IMMP2L: variants seen among roughly 807,000 people sequenced by gnomAD.
The protein encoded by IMMP2L is inner mitochondrial membrane peptidase subunit 2, also known as mitochondrial inner membrane protease subunit 2.
In IMMP2L, 18 loss-of-function variants were observed where a neutral mutation model predicts 19.3. The ratio of observed to expected loss-of-function variants is 0.93; its 90% CI spans 0.64 to 1.38. The LOEUF (loss-of-function observed/expected upper bound fraction) is 1.38, where lower values mean the gene tolerates loss of function less well. Ranked by LOEUF, IMMP2L falls within the 40% of genes most tolerant of loss-of-function variation. The pLI is 0.00. For synonymous variants in IMMP2L, 76 were observed against 73.0 expected (o/e 1.04, Z -0.21); for missense variants, 233 against 218.2 (o/e 1.07, Z -0.43).
intron 3 of IMMP2L, among the ~76,000 whole-genome samples, chr7:111,141,562 A>G (rs1181867544): frequency 6.6e-6 from 1 of 151,994 alleles, no homozygotes; most frequent in Non-Finnish European, 1.5e-5. Flanking sequence ...CTATAGAATT[A>G]TAAATCTGCA....
At chr7:111,075,924 T>C (rs1373653486) in intron 3 of IMMP2L, among the ~76,000 whole-genome samples, 1 of 152,224 alleles carries the variant, frequency 6.6e-6, no homozygotes, top group Non-Finnish European at 1.5e-5. Context: ...TTTACTTTTG[T>C]TTACAGCCAA....
chr7:111,333,588 C>T (rs192472675), intron 3 of IMMP2L, among the ~76,000 whole-genome samples: 24 of 152,116 alleles, frequency 1.6e-4, no homozygotes, highest in African/African-American at 5.5e-4. Context: ...CTAGGTGTGT[C>T]TGTGAGGGTG....
chr7:110,955,118 T>C (rs1230413210), intron 4 of IMMP2L, among the ~76,000 whole-genome samples: 2 of 152,036 alleles, frequency 1.3e-5, no homozygotes, highest in African/African-American at 4.8e-5. Flanking sequence ...AGAGACTATA[T>C]ATGAACTTAA....
intron 3 of IMMP2L, among the ~76,000 whole-genome samples, chr7:111,331,476 C>CT (rs930661569): frequency 2.0e-5 from 3 of 151,638 alleles, no homozygotes; most frequent in Non-Finnish European, 2.9e-5. Context: ...GAGAAATATG[C>CT]TTTTTTTAGT....
chr7:111,204,181 G>C (rs912182691), intron 3 of IMMP2L, among the ~76,000 whole-genome samples: 1 of 152,142 alleles, frequency 6.6e-6, no homozygotes, highest in Non-Finnish European at 1.5e-5. Context: ...CAACGACTGA[G>C]ACAAATCCTG....
chr7:111,270,691 A>G (rs1818363239), intron 3 of IMMP2L, among the ~76,000 whole-genome samples: 1 of 152,198 alleles, frequency 6.6e-6, no homozygotes, highest in Non-Finnish European at 1.5e-5. Context: ...TAATTTCTAC[A>G]TGATGCCTAT....
chr7:111,354,773 TAAC>T (rs889674826), intron 3 of IMMP2L, among the ~76,000 whole-genome samples: 2 of 151,374 alleles, frequency 1.3e-5, no homozygotes, highest in African/African-American at 4.8e-5. Flanking sequence ...TTTTTAACAA[TAAC>T]AAAAAAATAT....
intron 1 of IMMP2L, among the ~76,000 whole-genome samples, chr7:111,544,395 TA>T (rs890612506): frequency 1.3e-5 from 2 of 151,820 alleles, no homozygotes; most frequent in African/African-American, 4.8e-5. Context: ...TAAAGTATAA[TA>T]AAAAAAATTA....
chr7:111,425,658 T>A (rs1456673791), intron 3 of IMMP2L, among the ~76,000 whole-genome samples: 1 of 151,130 alleles, frequency 6.6e-6, no homozygotes, highest in East Asian at 1.9e-4. Flanking sequence ...TTTGAAAATT[T>A]CCATAATAAA....
In IMMP2L at chr7:111,387,920, G is replaced by A. The variant is rs1490324673; in HGVS notation, c.239+99318C>T. On this transcript the variant is annotated intron_variant, in intron 3 of 5. Transcript: ENST00000405709. ...GAAACCAGGAGGCAGAGGTTGCAGT[G>A]AGCCAACATCACACCACTGCACTCC... Among the ~76,000 whole-genome samples the A allele has an allele frequency of 7.9e-5, 11 of 139,480 alleles. No homozygotes were observed. The Admixed American group carries it at 8.4e-4, about 11-fold the overall frequency. The allele number at this position is 139,480 out of a possible 152,430, so 91.5% of individuals were successfully genotyped here. A position where few individuals can be genotyped will look rare whatever the true frequency, so the allele number is the denominator to read the frequency against.
At chr7:111,087,531 C>T (rs926363598) in intron 3 of IMMP2L, among the ~76,000 whole-genome samples, 1 of 150,744 alleles carries the variant, frequency 6.6e-6, no homozygotes, top group Admixed American at 6.6e-5. Flanking sequence ...TATATCAATC[C>T]CAATTTGAAT....
At chr7:111,156,437 C>T (rs111695157) in intron 3 of IMMP2L, among the ~76,000 whole-genome samples, 7,079 of 152,062 alleles carry the variant, frequency 0.047, 209 homozygotes, top group South Asian at 0.081. Flanking sequence ...TAATGTTAGT[C>T]CTCCAACTTT....
chr7:111,098,546 ATC>A (rs1797639169), intron 3 of IMMP2L, among the ~76,000 whole-genome samples: 1 of 151,782 alleles, frequency 6.6e-6, no homozygotes, highest in Non-Finnish European at 1.5e-5. Context: ...AAACCACATC[ATC>A]TCTCTTAGAC....
At chr7:111,202,797 C>T (rs1035798124) in intron 3 of IMMP2L, among the ~76,000 whole-genome samples, 54 of 152,148 alleles carry the variant, frequency 3.5e-4, no homozygotes, top group African/African-American at 1.3e-3. Flanking sequence ...AGAGTAGAAA[C>T]AGAGATGAGT....
At chr7:111,232,927 C>T (rs1813873100) in intron 3 of IMMP2L, among the ~76,000 whole-genome samples, 1 of 152,034 alleles carries the variant, frequency 6.6e-6, no homozygotes, top group Non-Finnish European at 1.5e-5. Flanking sequence ...AGTTACCTTC[C>T]TCCTCAGGCA....
At chr7:110,991,868 C>A (rs1342137193) in intron 3 of IMMP2L, among the ~76,000 whole-genome samples, 1 of 152,154 alleles carries the variant, frequency 6.6e-6, no homozygotes. Flanking sequence ...ACCTGGTTGA[C>A]CTACTCGACT....
chr7:111,516,624 C>T (rs1283048152), intron 2 of IMMP2L, among the ~76,000 whole-genome samples: 1 of 151,992 alleles, frequency 6.6e-6, no homozygotes, highest in East Asian at 1.9e-4. Flanking sequence ...AAGAAAAATC[C>T]ACAAAGGGAC....
chr7:111,034,822 G>T (rs117435849), intron 3 of IMMP2L, among the ~76,000 whole-genome samples: 4,740 of 152,220 alleles, frequency 0.031, 114 homozygotes, highest in South Asian at 0.079. Flanking sequence ...AGCTAAAACA[G>T]GCTAATGACC....
chr7:111,183,745 G>A (rs1016291904), intron 3 of IMMP2L, among the ~76,000 whole-genome samples: 1 of 151,946 alleles, frequency 6.6e-6, no homozygotes, highest in Non-Finnish European at 1.5e-5. Context: ...GTAGTTCATC[G>A]AGACCCTTTA....
Sources: gnomAD v4.1 joint callset for allele counts (sites outside exome capture counted in the v4.1 genomes callset) on GRCh38, gnomAD v4.1.1 for gene constraint, MANE v1.5 for transcripts, NCBI Gene and HGNC (gene_info 2026-07-23, HGNC 2026-07-21) for gene names.